The following SDHAF4 variants were observed in gnomAD, a reference collection of about 807,000 sequenced individuals.
The protein encoded by SDHAF4 is succinate dehydrogenase complex assembly factor 4.
In SDHAF4, 14 loss-of-function variants were observed where a neutral mutation model predicts 14.3. The ratio of observed to expected loss-of-function variants is 0.98; its 90% confidence interval spans 0.65 to 1.53. SDHAF4 has a LOEUF of 1.53. Among genes scored for constraint, SDHAF4 ranks in the 40% most tolerant of loss-of-function variants. The pLI, the probability that SDHAF4 is intolerant of heterozygous loss-of-function variation, is 0.00. For missense variants in SDHAF4, 141 were observed against 129.3 expected (o/e 1.09, Z -0.44); for synonymous variants, 63 against 47.3 (o/e 1.33, Z -1.36).
At chr6:70,572,819 TG>T (rs1417327912) in intron 1 of SDHAF4, among the ~76,000 whole-genome samples, 1 of 152,212 alleles carries the variant, frequency 6.6e-6, no homozygotes, top group Non-Finnish European at 1.5e-5. Context: ...TGTGTGTGTG[TG>T]CACATGCATG....
rs746539021 is a variant in SDHAF4 at position 70,566,951 on chromosome 6, C to A, written c.11C>A (p.Ser4Ter). 1.9e-6 allele frequency: 3 copies of A among 1,587,852 alleles called. No homozygotes were observed. In the South Asian group the frequency reaches 3.5e-5, roughly 18 times the overall value. The stretch of plus-strand genomic sequence containing the variant: ...CGGGGAGTCGGCGCCATGACCCCAT[C>A]GAGGCTTCCCTGGTTGCTTAGCTGG... MTP[S>*]RLPWLLSWVS... Residue 4 changes from serine to a stop codon, truncating the protein, a stop_gained, in exon 1 of 3, where the codon TCG becomes TAG. Coordinates refer to ENST00000370474, the MANE Select transcript of SDHAF4 (RefSeq NM_145267.3). LOFTEE classifies it high-confidence loss of function.
downstream of SDHAF4, among the ~76,000 whole-genome samples, chr6:70,591,146 G>C (rs1048043821): frequency 6.6e-6 from 1 of 152,066 alleles, no homozygotes; most frequent in African/African-American, 2.4e-5. Context: ...CACCCCTACA[G>C]ACACATCCAG....
At chr6:70,572,428 T>A (rs1043167262) in intron 1 of SDHAF4, among the ~76,000 whole-genome samples, 2 of 152,220 alleles carry the variant, frequency 1.3e-5, no homozygotes, top group Admixed American at 6.5e-5. Context: ...AAGTAGATTT[T>A]AAATTTTCTC....
At chr6:70,579,325 A>G in intron 1 of SDHAF4, 89 bp from the exon 2 acceptor site, 2 of 1,091,834 alleles carry the variant, frequency 1.8e-6, no homozygotes, top group Non-Finnish European at 2.4e-6. Flanking sequence ...GTGAATGTAT[A>G]AACTAAAAAC....
chr6:70,567,003 A>G lies in SDHAF4; in HGVS notation c.63A>G (p.Ala21=), dbSNP rs1273702848. 2.5e-6 allele frequency: 4 copies of G among 1,586,904 alleles called. No individual in the cohort carries two copies. The highest frequency in any genetic ancestry group is 1.8e-5 in the Admixed American group (1 of 55,976). ...TCTCGGCCACGGCGTGGAGAGCGGC[A>G]AGTAAGCACCTGGCCTCGGGGCCAC... ...SWVSATAWRA[A]RSPLLCHSLR... The change falls in exon 1 of 3, where the codon GCA becomes GCG. Residue 21 remains alanine (A), a splice_region_variant and synonymous_variant. Coordinates refer to ENST00000370474, the MANE Select transcript of SDHAF4 (RefSeq NM_145267.3).
intron 1 of SDHAF4, among the ~76,000 whole-genome samples, chr6:70,571,606 C>T (rs1802178866): frequency 6.6e-6 from 1 of 152,162 alleles, no homozygotes; most frequent in Non-Finnish European, 1.5e-5. Flanking sequence ...AGCCACCGCG[C>T]CCAGCCTTCC....
At chr6:70,567,404 C>T (rs982165553) in intron 1 of SDHAF4, 1 of 182,344 alleles carries the variant, frequency 5.5e-6, no homozygotes. Context: ...TTATTTACAT[C>T]ATTATTTACA....
intron 1 of SDHAF4, among the ~76,000 whole-genome samples, chr6:70,567,884 A>G (rs1802123096): frequency 6.6e-6 from 1 of 152,020 alleles, no homozygotes; most frequent in Non-Finnish European, 1.5e-5. Flanking sequence ...ACGGGGTTTC[A>G]CCGTGTTAGC....
At chr6:70,571,548 C>A (rs866617644) in intron 1 of SDHAF4, among the ~76,000 whole-genome samples, 2 of 152,116 alleles carry the variant, frequency 1.3e-5, no homozygotes, top group Non-Finnish European at 2.9e-5. Flanking sequence ...CTTCTGACCT[C>A]GTGATATGCC....
At chr6:70,570,726 T>TA (rs55637968) in intron 1 of SDHAF4, among the ~76,000 whole-genome samples, 26,267 of 152,002 alleles carry the variant, frequency 0.17, 2,319 homozygotes, top group Middle Eastern at 0.21. Context: ...AATGCATTTC[T>TA]TTTTATCATT....
chr6:70,587,648 G>A (rs1330356475), intron 2 of SDHAF4, among the ~76,000 whole-genome samples: 2 of 152,200 alleles, frequency 1.3e-5, no homozygotes, highest in African/African-American at 2.4e-5. Context: ...TAGAAGCTAT[G>A]TGATACGGAG....
At chr6:70,594,077 C>G (rs1453649481), downstream of SDHAF4, among the ~76,000 whole-genome samples, 1 of 152,126 alleles carries the variant, frequency 6.6e-6, no homozygotes, top group Non-Finnish European at 1.5e-5. Flanking sequence ...CTATTTTTCC[C>G]TTTTGGAATG....
intron 1 of SDHAF4, among the ~76,000 whole-genome samples, chr6:70,569,207 G>A (rs984533387): frequency 2.6e-5 from 4 of 151,386 alleles, no homozygotes; most frequent in Admixed American, 6.6e-5. Context: ...CTCGTGATCC[G>A]CCCGTCTCGG....
chr6:70,583,560 TTA>T (rs1410864212), intron 2 of SDHAF4, among the ~76,000 whole-genome samples: 1 of 152,258 alleles, frequency 6.6e-6, no homozygotes, highest in South Asian at 2.1e-4. Flanking sequence ...TCAGCATAAA[TTA>T]TATATATATT....
chr6:70,595,751 G>A, the SDHAF4 span, among the ~76,000 whole-genome samples: 730 of 150,498 alleles, frequency 4.9e-3, 10 homozygotes, highest in South Asian at 0.041. Context: ...CAGGAGAATC[G>A]CTTGAACCCG....
At chr6:70,583,089 G>A (rs748056072) in intron 2 of SDHAF4, among the ~76,000 whole-genome samples, 3 of 152,140 alleles carry the variant, frequency 2.0e-5, no homozygotes, top group East Asian at 3.9e-4. Context: ...AAGAGATAAC[G>A]TTTGAGCTGG....
chr6:70,594,491 CT>C (rs1408816994), downstream of SDHAF4, among the ~76,000 whole-genome samples: 1 of 152,140 alleles, frequency 6.6e-6, no homozygotes, highest in Non-Finnish European at 1.5e-5. Context: ...GCCACCTCAC[CT>C]TTTCATACCC....
chr6:70,584,368 G>A (rs1270456303), intron 2 of SDHAF4, among the ~76,000 whole-genome samples: 1 of 152,156 alleles, frequency 6.6e-6, no homozygotes, highest in African/African-American at 2.4e-5. Context: ...GTGTAAAATA[G>A]TTCTGTCCCC....
At chr6:70,568,602 C>T (rs887472316) in intron 1 of SDHAF4, among the ~76,000 whole-genome samples, 2 of 152,138 alleles carry the variant, frequency 1.3e-5, no homozygotes, top group African/African-American at 4.8e-5. Context: ...TCTCAAAGGA[C>T]ATTTGGGTAA....
Sources: allele counts gnomAD v4.1 joint callset (sites outside exome capture counted in the v4.1 genomes callset), GRCh38; gene constraint gnomAD v4.1.1; transcripts MANE v1.5; gene names NCBI Gene and HGNC (gene_info 2026-07-23, HGNC 2026-07-21).